NEXMIF: variants seen among roughly 807,000 people sequenced by gnomAD.
NEXMIF encodes the protein neurite extension and migration factor.
NEXMIF carries 8 observed loss-of-function variants against 62.1 expected under a neutral mutation model. The ratio of observed to expected loss-of-function variants is 0.13; its 90% CI spans 0.08 to 0.23. The LOEUF is 0.23. Ranked by LOEUF, NEXMIF falls within the 10% of genes least tolerant of loss-of-function variation. The probability of loss-of-function intolerance (pLI) is 1.00; values close to 1 mark genes in which losing one functional copy is unlikely to be tolerated. For synonymous variants in NEXMIF, 404 were observed against 416.6 expected (o/e 0.97, Z 0.37); for missense variants, 976 against 1,113.3 (o/e 0.88, Z 1.75).
intron 1 of NEXMIF, among the ~76,000 whole-genome samples, chrX:74,751,160 G>A (rs1426146373): frequency 9.0e-6 from 1 of 111,212 alleles, no homozygotes; most frequent in Non-Finnish European, 1.9e-5. Context: ...AACCCGGGAG[G>A]TTGAAGCCAC....
At chrX:74,843,535 CT>C (rs2080481026) in intron 1 of NEXMIF, among the ~76,000 whole-genome samples, 1 of 110,514 alleles carries the variant, frequency 9.0e-6, no homozygotes, top group African/African-American at 3.3e-5. Flanking sequence ...CTGCCTCAGC[CT>C]CCCGAGTAGC....
chrX:74,874,548 A>G (rs1465658570), intron 1 of NEXMIF, among the ~76,000 whole-genome samples: 5 of 103,632 alleles, frequency 4.8e-5, no homozygotes, highest in South Asian at 4.7e-4. Context: ...TGGTAGCTTG[A>G]TGGGGATGGC....
rs866240344 is a variant in NEXMIF at position 74,740,926 on chromosome X, G to A, written c.3631C>T (p.Pro1211Ser). ...ACCTGGCGGGAGTTTTTGCCAGGTG[G>A]TTTTTCAATCCCCTTGTTGTTACCT... Reference protein sequence around the residue: ...LKGNNKGIEKPPGKNSRQVPK... With the variant: ...LKGNNKGIEKSPGKNSRQVPK... Residue 1211 changes from proline to serine, a missense_variant, in exon 3 of 4, where the codon CCA becomes TCA. This residue lies in a region of NEXMIF where 639 missense variants were observed against 694.5 expected (regional missense o/e 0.92). Transcript: ENST00000055682. 3 of 1,211,760 alleles carry A rather than the reference G, an allele frequency of 2.5e-6. No individual in the cohort carries two copies. The highest frequency in any genetic ancestry group is 3.4e-6 in the Non-Finnish European group (3 of 895,384).
chrX:74,783,052 G>A (rs2080251246), intron 1 of NEXMIF, among the ~76,000 whole-genome samples: 1 of 111,057 alleles, frequency 9.0e-6, no homozygotes, highest in Non-Finnish European at 1.9e-5. Flanking sequence ...GGATCTTAGA[G>A]TCTAATAAAT....
intron 1 of NEXMIF, among the ~76,000 whole-genome samples, chrX:74,897,781 C>T (rs932758829): frequency 9.0e-6 from 1 of 111,387 alleles, no homozygotes; most frequent in Non-Finnish European, 1.9e-5. Context: ...AAACAAAAAT[C>T]AATCTCAAAA....
intron 1 of NEXMIF, among the ~76,000 whole-genome samples, chrX:74,894,449 A>C (rs1164166764): frequency 1.8e-5 from 2 of 111,994 alleles, no homozygotes; most frequent in Non-Finnish European, 3.8e-5. Context: ...ACTATGCCAA[A>C]AAATAAAGGA....
At chrX:74,893,876 T>G (rs2080725268) in intron 1 of NEXMIF, among the ~76,000 whole-genome samples, 2 of 112,268 alleles carry the variant, frequency 1.8e-5, no homozygotes, top group Admixed American at 1.9e-4. Flanking sequence ...AAGAGTATGT[T>G]AATTCAATTT....
At chrX:74,863,269 A>C (rs914439269) in intron 1 of NEXMIF, among the ~76,000 whole-genome samples, 10 of 111,300 alleles carry the variant, frequency 9.0e-5, no homozygotes, top group Non-Finnish European at 1.3e-4. Flanking sequence ...AGAAGACAAA[A>C]AATAACCAAG....
intron 1 of NEXMIF, among the ~76,000 whole-genome samples, chrX:74,763,345 T>C (rs1316404977): frequency 7.1e-5 from 8 of 112,002 alleles, no homozygotes; most frequent in African/African-American, 2.6e-4. Context: ...TTGGTACCAG[T>C]ACCATGCTGT....
At chrX:74,818,530 C>T (rs1747627148) in intron 1 of NEXMIF, among the ~76,000 whole-genome samples, 1 of 111,318 alleles carries the variant, frequency 9.0e-6, no homozygotes, top group Admixed American at 9.6e-5. Context: ...CAGAAAATAC[C>T]ATTCTGAACA....
At chrX:74,750,092 G>C (rs912450814) in intron 1 of NEXMIF, among the ~76,000 whole-genome samples, 5 of 111,271 alleles carry the variant, frequency 4.5e-5, no homozygotes, top group African/African-American at 1.3e-4. Context: ...GAGAGACAGA[G>C]GGGGGGAAGA....
At chrX:74,876,896 A>G (rs1476704321) in intron 1 of NEXMIF, among the ~76,000 whole-genome samples, 1 of 110,477 alleles carries the variant, frequency 9.1e-6, no homozygotes, top group Admixed American at 9.7e-5. Flanking sequence ...TCTGCATGTG[A>G]GATGGGTTTC....
intron 1 of NEXMIF, among the ~76,000 whole-genome samples, chrX:74,873,754 A>AT (rs1439442720): frequency 2.2e-4 from 24 of 111,463 alleles, no homozygotes; most frequent in Non-Finnish European, 4.1e-4. Context: ...GATGATGAGC[A>AT]TTTTTTCATG....
At chrX:74,854,055 G>A (rs2676496) in intron 1 of NEXMIF, among the ~76,000 whole-genome samples, 8,765 of 111,420 alleles carry the variant, frequency 0.079, 840 homozygotes, top group African/African-American at 0.27. Context: ...TGAAGCAAAT[G>A]GATTTCTCCC....
At chrX:74,898,057 C>A (rs188709850) in intron 1 of NEXMIF, among the ~76,000 whole-genome samples, 1 of 111,862 alleles carries the variant, frequency 8.9e-6, no homozygotes, top group Non-Finnish European at 1.9e-5. Flanking sequence ...GATACTCCAT[C>A]CTCAAGGAGG....
At chrX:74,877,087 T>G (rs1036055142) in intron 1 of NEXMIF, among the ~76,000 whole-genome samples, 1 of 111,794 alleles carries the variant, frequency 8.9e-6, no homozygotes, top group Admixed American at 9.6e-5. Context: ...TTCCTAGTCT[T>G]GATGGTCTTT....
chrX:74,761,768 T>A (rs2080176872), intron 1 of NEXMIF, among the ~76,000 whole-genome samples: 1 of 111,365 alleles, frequency 9.0e-6, no homozygotes, highest in South Asian at 3.8e-4. Context: ...CTGCTAGCTT[T>A]GGGGTTGGTT....
chrX:74,754,316 T>A (rs886275792), intron 1 of NEXMIF, among the ~76,000 whole-genome samples: 2 of 106,470 alleles, frequency 1.9e-5, no homozygotes, highest in African/African-American at 3.4e-5. Flanking sequence ...TTTTTTATTT[T>A]TTTTTTTTGT....
At chrX:74,869,790 A>C (rs2080593625) in intron 1 of NEXMIF, among the ~76,000 whole-genome samples, 1 of 111,804 alleles carries the variant, frequency 8.9e-6, no homozygotes, top group Admixed American at 9.6e-5. Flanking sequence ...AATGAAAACT[A>C]TACAACGTTG....
Sources: allele counts gnomAD v4.1 joint callset (sites outside exome capture counted in the v4.1 genomes callset), GRCh38; gene constraint gnomAD v4.1.1; regional missense constraint gnomAD v4.1.1; transcripts MANE v1.5; gene names NCBI Gene and HGNC (gene_info 2026-07-23, HGNC 2026-07-21).